Variants in COA1 observed in about 807,000 individuals in gnomAD.
COA1 encodes cytochrome c oxidase assembly factor 1, also known as cytochrome c oxidase assembly factor 1 homolog.
A neutral mutation model predicts 16.0 loss-of-function variants in COA1; 13 were observed. That is an observed-to-expected ratio of 0.81 (90% CI 0.53 to 1.29). The LOEUF (loss-of-function observed/expected upper bound fraction) is 1.29, where lower values mean the gene tolerates loss of function less well. Ranked by LOEUF, COA1 falls within the 50% of genes most tolerant of loss-of-function variation. COA1 has a pLI of 0.00. For missense variants in COA1, 179 were observed against 177.0 expected (o/e 1.01, Z -0.06); for synonymous variants, 65 against 65.7 (o/e 0.99, Z 0.05).
At chr7:43,713,077 C>T (rs886253066) in intron 1 of COA1, among the ~76,000 whole-genome samples, 1 of 152,160 alleles carries the variant, frequency 6.6e-6, no homozygotes, top group Non-Finnish European at 1.5e-5. Context: ...CTCAGCCTCC[C>T]AAATAGCTGG....
At chr7:43,651,822 C>T (rs1040843820) in intron 1 of COA1, among the ~76,000 whole-genome samples, 7 of 151,982 alleles carry the variant, frequency 4.6e-5, no homozygotes, top group African/African-American at 1.5e-4. Flanking sequence ...CTTGGTGGAA[C>T]CGAAACTCTA....
intron 1 of COA1, among the ~76,000 whole-genome samples, chr7:43,651,712 AC>A (rs1223432995): frequency 6.8e-6 from 1 of 147,986 alleles, no homozygotes; most frequent in African/African-American, 2.5e-5. Context: ...AAAAAAAAAA[AC>A]AGGCCAGGTG....
At chr7:43,621,811 A>G (rs866873853) in intron 6 of COA1, among the ~76,000 whole-genome samples, 1 of 152,226 alleles carries the variant, frequency 6.6e-6, no homozygotes, top group Non-Finnish European at 1.5e-5. Flanking sequence ...ACTAAAAATG[A>G]TTCAAAAGTA....
intron 1 of COA1, among the ~76,000 whole-genome samples, chr7:43,710,362 A>AT: frequency 8.4e-6 from 1 of 119,698 alleles, no homozygotes; most frequent in African/African-American, 3.4e-5. Flanking sequence ...AAAAAAAAAA[A>AT]AAAAAAAAAA....
chr7:43,718,973 AT>A (rs57530020), intron 1 of COA1, among the ~76,000 whole-genome samples: 101,071 of 134,550 alleles, frequency 0.75, 36,908 homozygotes, highest in South Asian at 0.81. Flanking sequence ...AGGAATCTAC[AT>A]TTTTTTTTTT....
At chr7:43,728,161 AG>A (rs1167675677) in intron 1 of COA1, among the ~76,000 whole-genome samples, 1 of 152,014 alleles carries the variant, frequency 6.6e-6, no homozygotes, top group Non-Finnish European at 1.5e-5. Context: ...TTTTTAGTGG[AG>A]ACGGGGTTTC....
chr7:43,724,386 C>G (rs921107269), intron 1 of COA1, among the ~76,000 whole-genome samples: 2 of 151,914 alleles, frequency 1.3e-5, no homozygotes, highest in Non-Finnish European at 2.9e-5. Flanking sequence ...AACCCTGTCT[C>G]TACTAAAAAT....
intron 1 of COA1, among the ~76,000 whole-genome samples, chr7:43,657,597 A>T (rs1003188729): frequency 6.6e-6 from 1 of 152,180 alleles, no homozygotes; most frequent in Non-Finnish European, 1.5e-5. Context: ...AACAAAACAG[A>T]CAGGTCATTT....
intron 1 of COA1, among the ~76,000 whole-genome samples, chr7:43,709,772 C>T (rs2095150708): frequency 6.6e-6 from 1 of 152,070 alleles, no homozygotes; most frequent in African/African-American, 2.4e-5. Context: ...GCCTTCTGCA[C>T]TGTCATATAA....
Position 43,639,536 on chromosome 7 carries a change from T to C in COA1, c.*46A>G. On this transcript the variant is annotated 3_prime_UTR_variant, in exon 6 of 6. Transcript: ENST00000223336. Reference sequence around the variant, plus strand: ...CACCCCAGTGGCCATATGGTAGAGATGAGGGAAGGATGGACTAGAAGCAAG... The same window carrying C: ...CACCCCAGTGGCCATATGGTAGAGACGAGGGAAGGATGGACTAGAAGCAAG... The C allele has an allele frequency of 6.7e-7, 1 of 1,497,310 alleles. No individual in the cohort carries two copies. The highest frequency in any genetic ancestry group is 9.3e-7 in the Non-Finnish European group (1 of 1,074,674). The allele number at this position is 1,497,310 out of a possible 1,614,324, so 92.8% of individuals were successfully genotyped here.
rs138859141 is a variant in COA1 at position 43,610,346 on chromosome 7, C to CAAAAAAAA, written c.*134-859_*134-852dup. On this transcript the variant is annotated intron_variant and NMD_transcript_variant, in intron 6 of 6. Coordinates refer to the COA1 transcript ENST00000415076. ...TGGGCAACAGAGCGAGACTCCGTCTCAAAAAAAAAAAAAAAAAAAAAAAAA... is the reference window on the plus strand; with the variant it reads ...TGGGCAACAGAGCGAGACTCCGTCTCAAAAAAAAAAAAAAAAAAAAAAAAAAAAAAAAA... Among the ~76,000 whole-genome samples the CAAAAAAAA allele has an allele frequency of 1.2e-3, 51 of 41,328 alleles. 1 individual carries two copies. The highest frequency in any genetic ancestry group is 5.4e-3 in the African/African-American group (50 of 9,236). The allele number at this position is 41,328 out of a possible 152,430, so 27.1% of individuals were successfully genotyped here.
At chr7:43,676,534 A>G (rs2093525776) in intron 1 of COA1, among the ~76,000 whole-genome samples, 1 of 152,172 alleles carries the variant, frequency 6.6e-6, no homozygotes, top group African/African-American at 2.4e-5. Context: ...TGCAGAAGCT[A>G]AAAAAAGTTG....
chr7:43,698,013 T>A (rs1278712290), intron 1 of COA1, among the ~76,000 whole-genome samples: 1 of 152,230 alleles, frequency 6.6e-6, no homozygotes, highest in African/African-American at 2.4e-5. Context: ...TAATCTCTTC[T>A]GCATTCTCAG....
At chr7:43,661,656 A>C (rs1213374156) in intron 1 of COA1, among the ~76,000 whole-genome samples, 1 of 151,358 alleles carries the variant, frequency 6.6e-6, no homozygotes, top group Non-Finnish European at 1.5e-5. Flanking sequence ...AAAAAGAGAC[A>C]TTTCCAGAAA....
At chr7:43,645,524 C>G (rs965457241) in intron 3 of COA1, 125 bp from the exon 4 acceptor site, 1 of 832,530 alleles carries the variant, frequency 1.2e-6, no homozygotes, top group African/African-American at 1.7e-5. Context: ...TGTGGATGGA[C>G]GAATAATTAA....
chr7:43,654,923 A>G (rs535478401), intron 1 of COA1, among the ~76,000 whole-genome samples: 3 of 152,360 alleles, frequency 2.0e-5, no homozygotes, highest in African/African-American at 7.2e-5. Context: ...AGGCCCAACC[A>G]AACTGTGTGA....
chr7:43,658,114 C>T (rs751656440), intron 1 of COA1, among the ~76,000 whole-genome samples: 29 of 151,958 alleles, frequency 1.9e-4, no homozygotes, highest in Non-Finnish European at 2.5e-4. Context: ...CTGTGGCTCA[C>T]GCTTGTAATC....
chr7:43,671,367 A>G (rs1302876785), intron 1 of COA1, among the ~76,000 whole-genome samples: 1 of 152,166 alleles, frequency 6.6e-6, no homozygotes, highest in African/African-American at 2.4e-5. Context: ...AGCAAATCAT[A>G]TATTTGGCAA....
At chr7:43,678,133 CT>C (rs2093617695) in intron 1 of COA1, among the ~76,000 whole-genome samples, 1 of 152,124 alleles carries the variant, frequency 6.6e-6, no homozygotes, top group African/African-American at 2.4e-5. Context: ...ATGAACCTTC[CT>C]GTTGAAAACA....
Sources: allele counts gnomAD v4.1 joint callset (sites outside exome capture counted in the v4.1 genomes callset), GRCh38; gene constraint gnomAD v4.1.1; transcripts MANE v1.5; gene names NCBI Gene and HGNC (gene_info 2026-07-23, HGNC 2026-07-21).